PACSIN1: variants seen among roughly 807,000 people sequenced by gnomAD.
PACSIN1 encodes the protein protein kinase C and casein kinase substrate in neurons protein 1.
A neutral mutation model predicts 59.5 loss-of-function variants in PACSIN1; 15 were observed. The ratio of observed to expected loss-of-function variants is 0.25; its 90% CI spans 0.17 to 0.39. PACSIN1 has a LOEUF of 0.39. PACSIN1 is among the 10% of genes least tolerant of loss of function. The pLI, the probability that PACSIN1 is intolerant of heterozygous loss-of-function variation, is 1.00. For missense variants in PACSIN1, 420 were observed against 580.2 expected, an observed-to-expected ratio of 0.72 and a Z score of 2.84; for synonymous variants, 210 against 220.6, an observed-to-expected ratio of 0.95 and a Z score of 0.42.
At chr6:34,474,307 C>T (rs1766608699) in intron 1 of PACSIN1, among the ~76,000 whole-genome samples, 1 of 152,106 alleles carries the variant, frequency 6.6e-6, no homozygotes, top group African/African-American at 2.4e-5. Flanking sequence ...CACTTCTTGT[C>T]ACCTCCATTG....
chr6:34,519,761 C>A (rs1021821338), intron 1 of PACSIN1, among the ~76,000 whole-genome samples: 8 of 152,082 alleles, frequency 5.3e-5, no homozygotes, highest in Non-Finnish European at 1.2e-4. Flanking sequence ...CCTCCTTTTG[C>A]AGATGAGGAA....
intron 1 of PACSIN1, among the ~76,000 whole-genome samples, chr6:34,471,884 G>A (rs1260155062): frequency 1.3e-5 from 2 of 152,174 alleles, no homozygotes; most frequent in Non-Finnish European, 2.9e-5. Flanking sequence ...GCAGTTGTTC[G>A]TTCTGGGATT....
chr6:34,530,702 C>T lies in PACSIN1; in HGVS notation c.1037+115C>T. 1 of 1,130,450 alleles carries T rather than the reference C, an allele frequency of 8.8e-7. No individual in the cohort carries two copies. The highest frequency in any genetic ancestry group is 1.2e-6 in the Non-Finnish European group (1 of 850,910). 70.0% of individuals were successfully genotyped at this position (1,130,450 alleles called of 1,614,324 possible). ...AGATCATAGCAACTATGTCTCCTCTCTAAAAGATAGTGGTAGTTCATCACT... is the reference window on the plus strand; with the variant it reads ...AGATCATAGCAACTATGTCTCCTCTTTAAAAGATAGTGGTAGTTCATCACT... On this transcript the variant is annotated intron_variant, in intron 8 of 9. Coordinates refer to ENST00000244458, the MANE Select transcript of PACSIN1 (RefSeq NM_020804.5). This position sits in a 1 kb window ranked among gnomAD's most constrained non-coding sequence, Gnocchi z 4.4.
chr6:34,520,658 G>A (rs1334558396), intron 1 of PACSIN1, among the ~76,000 whole-genome samples: 2 of 152,170 alleles, frequency 1.3e-5, no homozygotes, highest in African/African-American at 4.8e-5. Flanking sequence ...CACAGTAGGC[G>A]CTCAAAAATG....
At position 34,530,408 on chromosome 6, in the gene PACSIN1, A is replaced by G. The variant is rs1052333558; in HGVS notation, c.909+45A>G. ...GGAAGGGGAGCCTGAAGAGGCTGAA[A>G]GGTGCCTCAGGGCATAGTCCCCCAG... On this transcript the variant is annotated intron_variant, in intron 7 of 9. Transcript: ENST00000244458. This position sits in a 1 kb window ranked among gnomAD's most constrained non-coding sequence, Gnocchi z 4.4. The G allele has an allele frequency of 5.6e-6, 9 of 1,605,560 alleles. No homozygotes were observed. The highest frequency in any genetic ancestry group is 7.7e-6 in the Non-Finnish European group (9 of 1,173,998).
Position 34,474,832 on chromosome 6 carries a change from A to G in PACSIN1, c.-64+8562A>G, listed in dbSNP as rs189802808. 2.7e-3 allele frequency among the ~76,000 whole-genome samples: 409 copies of G among 149,010 alleles called. 4 individuals carry two copies. The highest frequency in any genetic ancestry group is 9.3e-3 in the African/African-American group (378 of 40,664). The stretch of plus-strand genomic sequence containing the variant: ...AAAAAGCCCTATAATTGCCTGCAAG[A>G]CCCCATGTGATCCGGCTGCCCAATA... On this transcript the variant is annotated intron_variant, in intron 1 of 9. Coordinates refer to ENST00000244458, the MANE Select transcript of PACSIN1 (RefSeq NM_020804.5).
Position 34,480,251 on chromosome 6 carries a change from A to T in PACSIN1, c.-64+13981A>T, listed in dbSNP as rs1400275239. ...TCTTTTTTTTTTTTTTTGAGAAAGGATCTCACTCTGTCACCCAGGCTGGAG... is the reference window on the plus strand; with the variant it reads ...TCTTTTTTTTTTTTTTTGAGAAAGGTTCTCACTCTGTCACCCAGGCTGGAG... On this transcript the variant is annotated intron_variant, in intron 1 of 9. Coordinates refer to ENST00000244458, the MANE Select transcript of PACSIN1 (RefSeq NM_020804.5). Among the ~76,000 whole-genome samples, 3 of 109,872 alleles carry T rather than the reference A, an allele frequency of 2.7e-5. No homozygotes were observed. The East Asian group carries it at 8.4e-4, about 31-fold the overall frequency. 72.1% of individuals were successfully genotyped at this position (109,872 alleles called of 152,430 possible).
rs1431619310 is a variant in PACSIN1, at chr6:34,531,683, C to A, written c.1121C>A (p.Thr374Asn). ...GGGAACCCCTTTGGGGGCAGTGAGA[C>A]CAACGGGGGCGCCAACCCCTTTGAG... Reference protein sequence around the residue: ...ESGNPFGGSETNGGANPFEDD... With the variant: ...ESGNPFGGSENNGGANPFEDD... Residue 374 changes from threonine to asparagine, a missense_variant, in exon 9 of 10, where the codon ACC becomes AAC. Physicochemically the swap from Thr to Asn is moderately conservative, Grantham distance 65 (BLOSUM62 0). Transcript: ENST00000244458. This position sits in a 1 kb window ranked among gnomAD's most constrained non-coding sequence, Gnocchi z 4.4. 6.2e-7 allele frequency: 1 copy of A among 1,613,726 alleles called. No individual in the cohort carries two copies. Among genetic ancestry groups the A allele is most frequent in the Non-Finnish European group, 8.5e-7 (1 of 1,179,904 alleles).
At chr6:34,485,653 C>A (rs183505049) in intron 1 of PACSIN1, among the ~76,000 whole-genome samples, 92 of 152,252 alleles carry the variant, frequency 6.0e-4, no homozygotes, top group African/African-American at 1.9e-3. Context: ...GTTCAGGGGA[C>A]TCTAAGGCCA....
Position 34,534,329 on chromosome 6 carries a change from A to C in PACSIN1, c.*1799A>C, listed in dbSNP as rs1581991550. 1 of 152,558 alleles carries C rather than the reference A, an allele frequency of 6.6e-6. No individual in the cohort carries two copies. The highest frequency in any genetic ancestry group is 2.4e-5 in the African/African-American group (1 of 41,330). The allele number at this position is 152,558 out of a possible 1,614,324, so 9.5% of individuals were successfully genotyped here. A position where few individuals can be genotyped will look rare whatever the true frequency, so the allele number is the denominator to read the frequency against. On this transcript the variant is annotated 3_prime_UTR_variant, in exon 10 of 10. Coordinates refer to ENST00000244458, the MANE Select transcript of PACSIN1 (RefSeq NM_020804.5). ...GCGATGGCACCCCGGGGACAGGCAG[A>C]CCTCCTTCCTGCCGTCAGCACCCCC...
chr6:34,496,526 G>A (rs543279136), intron 1 of PACSIN1, among the ~76,000 whole-genome samples: 5 of 152,202 alleles, frequency 3.3e-5, no homozygotes, highest in Non-Finnish European at 7.3e-5. Flanking sequence ...CTTCAGCTGC[G>A]CTGGCTGGAG....
At chr6:34,524,522 G>T (rs944630495) in intron 1 of PACSIN1, among the ~76,000 whole-genome samples, 1 of 152,140 alleles carries the variant, frequency 6.6e-6, no homozygotes, top group Non-Finnish European at 1.5e-5. Flanking sequence ...CCAGCCACAT[G>T]GGTCTGCACC....
chr6:34,526,568 C>G (rs1293450486), intron 2 of PACSIN1, among the ~76,000 whole-genome samples, 200 bp downstream of exon 2: 1 of 152,252 alleles, frequency 6.6e-6, no homozygotes, highest in Non-Finnish European at 1.5e-5. Context: ...CTCCTCTCTC[C>G]CCACAGCTGC....
intron 1 of PACSIN1, among the ~76,000 whole-genome samples, chr6:34,480,046 G>A (rs1312487063): frequency 1.3e-5 from 2 of 151,214 alleles, no homozygotes; most frequent in African/African-American, 2.4e-5. Context: ...GGCTGGTCTC[G>A]AACTCCTGAC....
chr6:34,475,356 A>C (rs368289830), intron 1 of PACSIN1, among the ~76,000 whole-genome samples: 44 of 152,220 alleles, frequency 2.9e-4, no homozygotes, highest in African/African-American at 9.9e-4. Context: ...GTCATTGTTT[A>C]CAAAATACTT....
intron 1 of PACSIN1, among the ~76,000 whole-genome samples, chr6:34,492,405 CAG>C (rs1280062922): frequency 6.6e-6 from 1 of 150,968 alleles, no homozygotes; most frequent in Admixed American, 6.6e-5. Flanking sequence ...TTTTTTGAGA[CAG>C]AGTTTCGCTC....
chr6:34,530,087 A>G lies in PACSIN1; in HGVS notation c.789-156A>G, dbSNP rs1030872386. Among the ~76,000 whole-genome samples, 7 of 152,306 alleles carry G rather than the reference A, an allele frequency of 4.6e-5. No homozygotes were observed. Among genetic ancestry groups the G allele is most frequent in the African/African-American group, 1.4e-4 (6 of 41,570 alleles). On this transcript the variant is annotated intron_variant, in intron 6 of 9. Coordinates refer to ENST00000244458, the MANE Select transcript of PACSIN1 (RefSeq NM_020804.5). This position sits in a 1 kb window ranked among gnomAD's most constrained non-coding sequence, Gnocchi z 4.4. ...GGGAGGGAAAAGGAGTCCACCGAGC[A>G]TGCCCGGAGCTTATTCTTGCAAAGC...
chr6:34,524,511 C>G (rs1767451246), intron 1 of PACSIN1, among the ~76,000 whole-genome samples: 1 of 152,162 alleles, frequency 6.6e-6, no homozygotes, highest in South Asian at 2.1e-4. Flanking sequence ...ATGTATTTTC[C>G]CCAGCCACAT....
intron 1 of PACSIN1, among the ~76,000 whole-genome samples, chr6:34,502,031 C>CA (rs55848755): frequency 0.094 from 6,245 of 66,426 alleles, 440 homozygotes; most frequent in East Asian, 0.26. Flanking sequence ...GACTCTGTCT[C>CA]AAAAAAAAAA....
Sources: gnomAD v4.1 joint callset for allele counts (sites outside exome capture counted in the v4.1 genomes callset) on GRCh38, gnomAD v4.1.1 for gene constraint, Gnocchi (gnomAD v3.1) non-coding constraint, MANE v1.5 for transcripts, NCBI Gene and HGNC (gene_info 2026-07-23, HGNC 2026-07-21) for gene names.